Variants in NUP210 observed in about 807,000 individuals in gnomAD.
NUP210 encodes nuclear pore membrane glycoprotein 210.
In NUP210, 151 loss-of-function variants were observed where a neutral mutation model predicts 196.0. That is an observed-to-expected ratio of 0.77 (90% confidence interval 0.67 to 0.88). The LOEUF is 0.88. NUP210 is among the 40% of genes least tolerant of loss of function. The pLI is 0.00. For synonymous variants in NUP210, 1,070 were observed against 1,052.7 expected (o/e 1.02, Z -0.32); for missense variants, 2,314 against 2,493.7 (o/e 0.93, Z 1.53).
In NUP210 at chr3:13,347,151, C is replaced by T. The variant is rs551529829; in HGVS notation, c.2836-3848G>A. ...GACCCAGGAGATGGAGAGAAGCAGC[C>T]GCAGCTCATAGGACCCAGGAGATGG... On this transcript the variant is annotated intron_variant, in intron 20 of 39. Transcript: ENST00000254508. This position sits in a 1 kb window ranked among gnomAD's most constrained non-coding sequence, Gnocchi z 4.7. 365 of 985,396 alleles carry T rather than the reference C, an allele frequency of 3.7e-4. No homozygotes were observed. In the African/African-American group the frequency reaches 4.9e-3, roughly 13 times the overall value. The allele number at this position is 985,396 out of a possible 1,614,324, so 61.0% of individuals were successfully genotyped here. A position where few individuals can be genotyped will look rare whatever the true frequency, so the allele number is the denominator to read the frequency against.
At chr3:13,383,144 C>CA (rs1319015941) in intron 6 of NUP210, among the ~76,000 whole-genome samples, 1 of 151,980 alleles carries the variant, frequency 6.6e-6, no homozygotes, top group Non-Finnish European at 1.5e-5. Flanking sequence ...GACTCTCTCT[C>CA]AAAAAAACCC....
At position 13,365,987 on chromosome 3, in the gene NUP210, G is replaced by A. The variant is rs780597795; in HGVS notation, c.1891C>T (p.Leu631=). 6.2e-7 allele frequency: 1 copy of A among 1,614,246 alleles called. No homozygotes were observed. Among genetic ancestry groups the A allele is most frequent in the Admixed American group, 1.7e-5 (1 of 60,032 alleles). ...LVSYRHGHVH[L]SAKITIAAYL... is the part of the protein sequence containing the mutation. ...GCAGCAATGGTGATCTTGGCACTCA[G>A]GTGGACGTGGCCGTGTCTGTAGCTC... The change falls in exon 14 of 40, where the codon CTG becomes TTG. Residue 631 remains leucine (L), a synonymous_variant. Transcript: ENST00000254508.
chr3:13,369,986 T>C (rs1698673719), intron 13 of NUP210, among the ~76,000 whole-genome samples: 1 of 152,190 alleles, frequency 6.6e-6, no homozygotes, highest in South Asian at 2.1e-4. Context: ...GCTCTGAGCC[T>C]GGGAGGTGGC....
At chr3:13,354,182 G>A (rs1409688863) in intron 16 of NUP210, 75 bp from the exon 17 acceptor site, 2 of 1,294,382 alleles carry the variant, frequency 1.5e-6, no homozygotes, top group African/African-American at 1.5e-5. Flanking sequence ...AGTGCACTCT[G>A]AGGCCAGCAG....
Position 13,330,470 on chromosome 3 carries a change from A to G in NUP210, c.4100T>C (p.Val1367Ala), listed in dbSNP as rs80310264. ...EPFGANQTII[V>A]AVKVSPVSYL... ...AGAATGCAACCCTACCTTTACAGCA[A>G]CAATGATGGTTTGGTTGGCCCCAAA... The change falls in exon 30 of 40, where the codon GTT (valine) becomes GCT (alanine). Residue 1367 changes from valine to alanine, a missense_variant. Transcript: ENST00000254508. 357 of 1,614,062 alleles carry G rather than the reference A, an allele frequency of 2.2e-4. 1 individual carries two copies. In the African/African-American group the frequency reaches 4.4e-3, roughly 20 times the overall value.
At chr3:13,377,930 G>A (rs989450004) in intron 8 of NUP210, among the ~76,000 whole-genome samples, 3 of 151,168 alleles carry the variant, frequency 2.0e-5, no homozygotes, top group Non-Finnish European at 4.4e-5. Flanking sequence ...CCACCCACCT[G>A]CAGGCCCTAC....
intron 15 of NUP210, among the ~76,000 whole-genome samples, chr3:13,358,930 A>G (rs1041482773): frequency 2.6e-5 from 4 of 152,176 alleles, no homozygotes; most frequent in Non-Finnish European, 5.9e-5. Flanking sequence ...GCTGCTGCAG[A>G]GAGGGAAATC....
intron 1 of NUP210, among the ~76,000 whole-genome samples, chr3:13,413,543 T>C (rs962753144): frequency 6.6e-6 from 1 of 152,096 alleles, no homozygotes; most frequent in Non-Finnish European, 1.5e-5. Flanking sequence ...GCATTTGTCA[T>C]CCATCCAGAT....
chr3:13,388,482 G>A, intron 4 of NUP210, 29 bp from the exon 5 acceptor site: 1 of 1,578,324 alleles, frequency 6.3e-7, no homozygotes, highest in Non-Finnish European at 8.6e-7. Context: ...GTCAAAGTTT[G>A]TTGATCAAAC....
At chr3:13,408,787 C>CAAAA (rs57395477) in intron 1 of NUP210, among the ~76,000 whole-genome samples, 2 of 77,024 alleles carry the variant, frequency 2.6e-5, no homozygotes, top group African/African-American at 3.9e-5. Context: ...GACTCTGTCT[C>CAAAA]AAAAAAAAAA....
chr3:13,388,464 A>G lies in NUP210; in HGVS notation c.534-11T>C. 2 of 1,584,636 alleles carry G rather than the reference A, an allele frequency of 1.3e-6. No homozygotes were observed. Among genetic ancestry groups the G allele is most frequent in the South Asian group, 1.2e-5 (1 of 86,322 alleles). Reference sequence around the variant, plus strand: ...AAGAAAGTGAGGATTCTGGAAAAGGAGCACGTTGTCAAAGTTTGTTGATCA... The same window carrying G: ...AAGAAAGTGAGGATTCTGGAAAAGGGGCACGTTGTCAAAGTTTGTTGATCA... On this transcript the variant is annotated splice_polypyrimidine_tract_variant and intron_variant, in intron 4 of 39. Transcript: ENST00000254508.
rs1696539110 is a variant in NUP210, at chr3:13,321,753, C to T, written c.4998G>A (p.Val1666=). The T allele has an allele frequency of 6.2e-7, 1 of 1,613,504 alleles. No homozygotes were observed. The highest frequency in any genetic ancestry group is 1.7e-5 in the Admixed American group (1 of 60,008). ...GGCTGCTGGAGAGGGAGGCACTGAC[C>T]ACCAGAGCTGTCTTCTTCATGCTCA... ...KHLSMKKTAL[V]VSASLSSSHF... The change falls in exon 36 of 40, where the codon GTG becomes GTA. Residue 1666 remains valine, a synonymous_variant. Coordinates refer to ENST00000254508, the MANE Select transcript of NUP210 (RefSeq NM_024923.4).
Position 13,342,094 on chromosome 3 carries a change from G to A in NUP210, c.2994C>T (p.Tyr998=), listed in dbSNP as rs753532040. 3.7e-6 allele frequency: 6 copies of A among 1,614,166 alleles called. No individual in the cohort carries two copies. The highest frequency in any genetic ancestry group is 2.2e-5 in the East Asian group (1 of 44,884). The change falls in exon 22 of 40, where the codon TAC becomes TAT. Residue 998 remains tyrosine (Y), a synonymous_variant. Coordinates refer to ENST00000254508, the MANE Select transcript of NUP210 (RefSeq NM_024923.4). ...TCTTGTGCAAGTCCAGCACGCGGAC[G>A]TATGCCTTCACTGTCTTCCCAATCT... ...KVEIGKTVKA[Y]VRVLDLHKKP...
At chr3:13,370,494 G>T (rs1171033700) in intron 13 of NUP210, among the ~76,000 whole-genome samples, 2 of 152,182 alleles carry the variant, frequency 1.3e-5, no homozygotes, top group Non-Finnish European at 2.9e-5. Flanking sequence ...TCCAAGCCCT[G>T]AACTTTCCTC....
intron 31 of NUP210, among the ~76,000 whole-genome samples, chr3:13,327,955 A>C (rs577389596): frequency 6.6e-6 from 1 of 152,216 alleles, no homozygotes; most frequent in Non-Finnish European, 1.5e-5. Context: ...TGCTCAGTCA[A>C]TGTTGGCAAT....
At chr3:13,409,033 C>T (rs1023009487) in intron 1 of NUP210, among the ~76,000 whole-genome samples, 2 of 152,180 alleles carry the variant, frequency 1.3e-5, no homozygotes, top group Admixed American at 6.5e-5. Context: ...TCCCTCATCA[C>T]ACCAGCTCCC....
intron 16 of NUP210, chr3:13,354,713 T>C (rs1698110492): frequency 6.6e-6 from 1 of 152,284 alleles, no homozygotes; most frequent in Admixed American, 6.5e-5. Context: ...CCTTTGAAAG[T>C]GGAATACTCG....
chr3:13,375,887 T>G (rs1044353008), intron 10 of NUP210, among the ~76,000 whole-genome samples: 6 of 151,828 alleles, frequency 4.0e-5, no homozygotes, highest in African/African-American at 1.5e-4. Context: ...GGATGTGGTG[T>G]CCCCCCCAAC....
Position 13,323,220 on chromosome 3 carries a change from G to T in NUP210, c.4768+89C>A. 6.5e-7 allele frequency: 1 copy of T among 1,527,050 alleles called. No individual in the cohort carries two copies. The highest frequency in any genetic ancestry group is 9.0e-7 in the Non-Finnish European group (1 of 1,116,244). 94.6% of individuals were successfully genotyped at this position (1,527,050 alleles called of 1,614,324 possible). ...GGAGTTGGTGTGAGTGTGAATAGGA[G>T]AAGCAGATAAACTCCATCCAGAGGA... On this transcript the variant is annotated intron_variant, in intron 34 of 39. Coordinates refer to ENST00000254508, the MANE Select transcript of NUP210 (RefSeq NM_024923.4). This position sits in a 1 kb window ranked among gnomAD's most constrained non-coding sequence, Gnocchi z 4.3.
Sources: allele counts gnomAD v4.1 joint callset (sites outside exome capture counted in the v4.1 genomes callset), GRCh38; gene constraint gnomAD v4.1.1; non-coding constraint Gnocchi (gnomAD v3.1); transcripts MANE v1.5; gene names NCBI Gene and HGNC (gene_info 2026-07-23, HGNC 2026-07-21).